Variants in LHFPL4 observed in about 807,000 individuals in gnomAD.
LHFPL4 encodes LHFPL tetraspan subfamily member 4, also known as LHFPL tetraspan subfamily member 4 protein.
LHFPL4 carries 6 observed loss-of-function variants against 20.0 expected under a neutral mutation model. The ratio of observed to expected loss-of-function variants is 0.30; its 90% confidence interval spans 0.16 to 0.59. The LOEUF is 0.59. Ranked by LOEUF, LHFPL4 falls within the 20% of genes least tolerant of loss-of-function variation. The pLI, the probability that LHFPL4 is intolerant of heterozygous loss-of-function variation, is 0.88. For missense variants in LHFPL4, 215 were observed against 331.2 expected (o/e 0.65, Z 2.72); for synonymous variants, 129 against 143.8 (o/e 0.90, Z 0.74).
At chr3:9,552,177 A>G in intron 2 of LHFPL4, 97 bp downstream of exon 2, 1 of 1,473,964 alleles carries the variant, frequency 6.8e-7, no homozygotes. Flanking sequence ...AACACAGAGA[A>G]GCAGAATCTA....
rs143991836 is a variant in LHFPL4, at chr3:9,552,254, C to T, written c.406+20G>A. The T allele has an allele frequency of 7.2e-3, 11,277 of 1,569,180 alleles. 55 individuals are homozygous for T. The highest frequency in any genetic ancestry group is 9.1e-3 in the Non-Finnish European group (10,548 of 1,155,144). The stretch of plus-strand genomic sequence containing the variant: ...GTCCCTGGCGCTTGTTCTGGGAGTT[C>T]CGTCCACCCCCTCCCCTACCTGCCA... On this transcript the variant is annotated intron_variant, in intron 2 of 3. Transcript: ENST00000287585.
chr3:9,519,410 C>T (rs1006613277), intron 2 of LHFPL4, among the ~76,000 whole-genome samples: 1 of 152,114 alleles, frequency 6.6e-6, no homozygotes, highest in South Asian at 2.1e-4. Flanking sequence ...ATTTGAGTTT[C>T]TCTCTCTCTC....
In LHFPL4 at chr3:9,552,402, T is replaced by C. The variant is rs76516178; in HGVS notation, c.278A>G (p.Lys93Arg). 6.2e-7 allele frequency: 1 copy of C among 1,613,846 alleles called. No homozygotes were observed. The highest frequency in any genetic ancestry group is 1.1e-5 in the South Asian group (1 of 91,080). ...DFSTIPSSAFKAAAFFVLLSM... is the reference protein window; with the variant it reads ...DFSTIPSSAFRAAAFFVLLSM... The stretch of plus-strand genomic sequence containing the variant: ...GAGCAGCACGAAGAAGGCGGCCGCC[T>C]TGAAGGCGCTGGACGGGATGGTGCT... The change falls in exon 2 of 4, where the codon AAG (lysine) becomes AGG (arginine). Residue 93 changes from lysine to arginine, a missense_variant. Lys to Arg is a conservative substitution (Grantham distance 26). Transcript: ENST00000287585.
At chr3:9,518,397 G>A (rs1483701097) in intron 2 of LHFPL4, among the ~76,000 whole-genome samples, 1 of 152,106 alleles carries the variant, frequency 6.6e-6, no homozygotes, top group Non-Finnish European at 1.5e-5. Flanking sequence ...TCTAGTTATA[G>A]TATTAGTGTA....
At chr3:9,509,929 T>C (rs1415798928) in intron 2 of LHFPL4, among the ~76,000 whole-genome samples, 1 of 152,156 alleles carries the variant, frequency 6.6e-6, no homozygotes, top group African/African-American at 2.4e-5. Flanking sequence ...GCTTTTGTGC[T>C]CCAAGCTCGA....
intron 2 of LHFPL4, among the ~76,000 whole-genome samples, chr3:9,512,041 G>T (rs936177026): frequency 6.6e-6 from 1 of 151,330 alleles, no homozygotes; most frequent in Non-Finnish European, 1.5e-5. Flanking sequence ...CACACCATTC[G>T]CCTTCCTCAG....
chr3:9,552,697 CCGGCGGCGG>C lies in LHFPL4; in HGVS notation c.-27_-19del, dbSNP rs760539219. On this transcript the variant is annotated 5_prime_UTR_variant, in exon 2 of 4. Transcript: ENST00000287585. The stretch of plus-strand genomic sequence containing the variant: ...GGCAGCATGGTGCCCGGAGGCGGGG[CCGGCGGCGG>C]CGGCGGCTGGCGGGGGCCGCCGGCC... 3 of 1,349,118 alleles carry C rather than the reference CCGGCGGCGG, an allele frequency of 2.2e-6. No homozygotes were observed. Among genetic ancestry groups the C allele is most frequent in the East Asian group, 2.9e-5 (1 of 34,862 alleles). The allele number at this position is 1,349,118 out of a possible 1,614,324, so 83.6% of individuals were successfully genotyped here.
intron 2 of LHFPL4, among the ~76,000 whole-genome samples, chr3:9,508,191 C>A (rs1247027789): frequency 1.3e-5 from 2 of 152,202 alleles, no homozygotes; most frequent in Non-Finnish European, 2.9e-5. Flanking sequence ...AGGCCCCAGC[C>A]TCTTCCGGCT....
At chr3:9,508,798 C>T (rs1194734093) in intron 2 of LHFPL4, among the ~76,000 whole-genome samples, 1 of 152,222 alleles carries the variant, frequency 6.6e-6, no homozygotes, top group Non-Finnish European at 1.5e-5. Context: ...GGTCTCAGCC[C>T]CAGTCCTTCC....
intron 2 of LHFPL4, among the ~76,000 whole-genome samples, chr3:9,508,858 C>T (rs1209787871): frequency 6.6e-6 from 1 of 152,190 alleles, no homozygotes; most frequent in African/African-American, 2.4e-5. Flanking sequence ...GCGCTCCTGC[C>T]TCCCTATTCC....
chr3:9,515,929 ACT>A lies in LHFPL4; in HGVS notation c.407-9728_407-9727del, dbSNP rs1208901618. ...GGGGTTTTGCCATGTTGGCCAGGCT[ACT>A]CTCAAACTCCTGGCCTCAAGTGATC... On this transcript the variant is annotated intron_variant, in intron 2 of 3. Coordinates refer to ENST00000287585, the MANE Select transcript of LHFPL4 (RefSeq NM_198560.3). Among the ~76,000 whole-genome samples the A allele has an allele frequency of 3.3e-5, 5 of 150,974 alleles. No homozygotes were observed. In the East Asian group the frequency reaches 7.8e-4, roughly 24 times the overall value.
intron 2 of LHFPL4, among the ~76,000 whole-genome samples, chr3:9,542,666 G>C (rs1187306251): frequency 6.6e-6 from 1 of 151,618 alleles, no homozygotes; most frequent in Non-Finnish European, 1.5e-5. Context: ...AAAATTAGCC[G>C]GGCATGGTGA....
chr3:9,517,399 A>AT (rs557888361), intron 2 of LHFPL4, among the ~76,000 whole-genome samples: 9 of 151,928 alleles, frequency 5.9e-5, no homozygotes, highest in South Asian at 2.1e-4. Context: ...AGAGTTTGGT[A>AT]TTTTTTTTCA....
chr3:9,537,443 A>G lies in LHFPL4; in HGVS notation c.406+14831T>C, dbSNP rs1391551894. Among the ~76,000 whole-genome samples the G allele has an allele frequency of 2.6e-5, 4 of 152,226 alleles. No homozygotes were observed. In the East Asian group the frequency reaches 7.7e-4, roughly 29 times the overall value. ...ATGGAACCCCATCACTTTGTGCAGTAATTATTTGGTAACAGCATTTACTCT... is the reference window on the plus strand; with the variant it reads ...ATGGAACCCCATCACTTTGTGCAGTGATTATTTGGTAACAGCATTTACTCT... On this transcript the variant is annotated intron_variant, in intron 2 of 3. Transcript: ENST00000287585.
chr3:9,528,960 C>A (rs1341096469), intron 2 of LHFPL4, among the ~76,000 whole-genome samples: 1 of 151,176 alleles, frequency 6.6e-6, no homozygotes, highest in Non-Finnish European at 1.5e-5. Flanking sequence ...CTGTGTGGCC[C>A]AGGCTGGAGT....
chr3:9,514,461 C>G (rs2046284485), intron 2 of LHFPL4, among the ~76,000 whole-genome samples: 1 of 152,162 alleles, frequency 6.6e-6, no homozygotes, highest in Admixed American at 6.5e-5. Flanking sequence ...ACATCCCCCA[C>G]CAGGGTGGCA....
chr3:9,552,767 G>C lies in LHFPL4; in HGVS notation c.-88C>G. 1.3e-6 allele frequency: 1 copy of C among 797,280 alleles called. No individual in the cohort carries two copies. The highest frequency in any genetic ancestry group is 5.7e-5 in the South Asian group (1 of 17,496). 49.4% of individuals were successfully genotyped at this position (797,280 alleles called of 1,614,324 possible). A position where few individuals can be genotyped will look rare whatever the true frequency, so the allele number is the denominator to read the frequency against. On this transcript the variant is annotated 5_prime_UTR_variant, in exon 2 of 4. Coordinates refer to ENST00000287585, the MANE Select transcript of LHFPL4 (RefSeq NM_198560.3). ...CGCCGGGCTGCCGGGCGGGAGCTGG[G>C]GACGCACGCGAGAAGCGGCCCTGAG...
At chr3:9,525,167 C>G (rs964348990) in intron 2 of LHFPL4, among the ~76,000 whole-genome samples, 5 of 152,152 alleles carry the variant, frequency 3.3e-5, no homozygotes, top group East Asian at 1.9e-4. Flanking sequence ...TTTCCCTGCT[C>G]TTGCCAGAAC....
chr3:9,547,917 C>T (rs779528656), intron 2 of LHFPL4, among the ~76,000 whole-genome samples: 10 of 152,130 alleles, frequency 6.6e-5, no homozygotes, highest in South Asian at 2.1e-4. Context: ...GCGATCCTCC[C>T]GCCTCACCCT....
Sources: allele counts gnomAD v4.1 joint callset (sites outside exome capture counted in the v4.1 genomes callset), GRCh38; gene constraint gnomAD v4.1.1; transcripts MANE v1.5; gene names NCBI Gene and HGNC (gene_info 2026-07-23, HGNC 2026-07-21).